ZSWIM2: variants seen among roughly 807,000 people sequenced by gnomAD.
ZSWIM2 encodes E3 ubiquitin-protein ligase ZSWIM2.
ZSWIM2 carries 38 observed loss-of-function variants against 48.4 expected under a neutral mutation model. The observed-to-expected ratio is 0.79, with a 90% CI of 0.61 to 1.03. The LOEUF is 1.03. Ranked by LOEUF, ZSWIM2 falls within the 50% of genes least tolerant of loss-of-function variation. The pLI is 0.00. For missense variants in ZSWIM2, 776 were observed against 730.2 expected, an observed-to-expected ratio of 1.06 and a Z score of -0.72; for synonymous variants, 240 against 251.3, an observed-to-expected ratio of 0.96 and a Z score of 0.42.
intron 2 of ZSWIM2, among the ~76,000 whole-genome samples, chr2:186,846,229 C>T (rs945953285): frequency 4.6e-5 from 7 of 151,864 alleles, no homozygotes; most frequent in Non-Finnish European, 1.0e-4. Flanking sequence ...TTGCAAACTA[C>T]GTATTTGACA....
At chr2:186,848,780 A>G in intron 1 of ZSWIM2, 186 bp downstream of exon 1, 1 of 704,926 alleles carries the variant, frequency 1.4e-6, no homozygotes. Flanking sequence ...CTTCTAATAA[A>G]TACTATTTCC....
intron 3 of ZSWIM2, among the ~76,000 whole-genome samples, chr2:186,839,710 A>G (rs1691868064): frequency 6.6e-6 from 1 of 151,654 alleles, no homozygotes; most frequent in African/African-American, 2.4e-5. Context: ...TCCTCAACAG[A>G]TTTGGTCAGT....
At position 186,839,173 on chromosome 2, in the gene ZSWIM2, G is replaced by C; in HGVS notation, c.284-4C>G. On this transcript the variant is annotated splice_polypyrimidine_tract_variant and splice_region_variant and intron_variant, in intron 3 of 8. Transcript: ENST00000295131. Reference sequence around the variant, plus strand: ...CCAAGACCCAGTTGTAAAGCAGCTAGTGAGAAATCCCAAAGTATTAAAATC... The same window carrying C: ...CCAAGACCCAGTTGTAAAGCAGCTACTGAGAAATCCCAAAGTATTAAAATC... 1 of 1,610,180 alleles carries C rather than the reference G, an allele frequency of 6.2e-7. No homozygotes were observed. Among genetic ancestry groups the C allele is most frequent in the East Asian group, 2.2e-5 (1 of 44,790 alleles).
At chr2:186,841,572 C>CA (rs1272789960) in intron 3 of ZSWIM2, among the ~76,000 whole-genome samples, 6 of 151,292 alleles carry the variant, frequency 4.0e-5, no homozygotes, top group African/African-American at 1.4e-4. Context: ...TTGAAAAGAA[C>CA]AAAAAGCTTC....
In ZSWIM2 at chr2:186,849,047, A is replaced by G. The variant is rs372195908; in HGVS notation, c.84T>C (p.Ser28=). The change falls in exon 1 of 9, where the codon AGT becomes AGC. Residue 28 remains serine (S), a synonymous_variant. Transcript: ENST00000295131. The part of the protein sequence containing the change: ...RLSWHQDQAL[S]SSIYLLREMG... ...TCTCTCGTAGGAGGTAGATGCTGCTACTCAGCGCCTGGTCTTGGTGCCAGC... is the reference window on the plus strand; with the variant it reads ...TCTCTCGTAGGAGGTAGATGCTGCTGCTCAGCGCCTGGTCTTGGTGCCAGC... 67 of 1,613,966 alleles carry G rather than the reference A, an allele frequency of 4.2e-5. No homozygotes were observed. The highest frequency in any genetic ancestry group is 5.7e-5 in the Non-Finnish European group (67 of 1,180,004).
Position 186,833,219 on chromosome 2 carries a change from T to A in ZSWIM2, c.842A>T (p.Lys281Ile). ...TFTFREKRNQKWRSLEKRADE... is the reference protein window; with the variant it reads ...TFTFREKRNQIWRSLEKRADE... ...TGCTCTTTTTTCTAGTGATCTCCAT[T>A]TTTGGTTTCTTTTCTGTAATAGGTA... is the stretch of plus-strand genomic sequence containing the variant. The change falls in exon 7 of 9, where the codon AAA becomes ATA. Residue 281 changes from lysine to isoleucine, a missense_variant. Lys to Ile is a moderately radical substitution (Grantham distance 102). Transcript: ENST00000295131. 1 of 1,520,968 alleles carries A rather than the reference T, an allele frequency of 6.6e-7. No homozygotes were observed. Among genetic ancestry groups the A allele is most frequent in the Non-Finnish European group, 8.8e-7 (1 of 1,130,460 alleles). 94.2% of individuals were successfully genotyped at this position (1,520,968 alleles called of 1,614,324 possible). A position where few individuals can be genotyped will look rare whatever the true frequency, so the allele number is the denominator to read the frequency against.
chr2:186,830,591 C>T (rs1368795288), intron 7 of ZSWIM2, among the ~76,000 whole-genome samples: 1 of 152,010 alleles, frequency 6.6e-6, no homozygotes, highest in Admixed American at 6.6e-5. Context: ...TGGTAAGCCA[C>T]ATTAAATATT....
At chr2:186,830,145 T>C (rs1023735888) in intron 7 of ZSWIM2, among the ~76,000 whole-genome samples, 18 of 152,146 alleles carry the variant, frequency 1.2e-4, no homozygotes, top group Non-Finnish European at 1.5e-4. Flanking sequence ...TCTGGGAGAC[T>C]GAGGTGGGTG....
At chr2:186,844,648 C>A in intron 3 of ZSWIM2, 69 bp downstream of exon 3, 3 of 1,406,944 alleles carry the variant, frequency 2.1e-6, no homozygotes, top group Non-Finnish European at 2.9e-6. Context: ...ATAAAACATT[C>A]TTATATTTGT....
Position 186,837,528 on chromosome 2 carries a change from A to C in ZSWIM2, c.521T>G (p.Ile174Arg), listed in dbSNP as rs200601126. Residue 174 changes from isoleucine (I) to arginine (R), a missense_variant, in exon 5 of 9, where the codon ATA (isoleucine) becomes AGA (arginine). Transcript: ENST00000295131. The part of the protein sequence containing the change: ...CRFGCGNSIH[I>R]KCMKILANYQ... ...ATTAGCTAAGATCTTCATGCATTTT[A>C]TATGAATACTATTGCCACAGCCAAA... 5 of 1,610,870 alleles carry C rather than the reference A, an allele frequency of 3.1e-6. No individual in the cohort carries two copies. Among genetic ancestry groups the C allele is most frequent in the Non-Finnish European group, 4.2e-6 (5 of 1,178,230 alleles).
In ZSWIM2 at chr2:186,833,237, A is replaced by C; in HGVS notation, c.829-5T>G. ...TCTCCATTTTTGGTTTCTTTTCTGT[A>C]ATAGGTAAAAGTAGATGTTACTTTG... On this transcript the variant is annotated splice_polypyrimidine_tract_variant and splice_region_variant and intron_variant, in intron 6 of 8. Transcript: ENST00000295131. The C allele has an allele frequency of 7.1e-7, 1 of 1,415,398 alleles. No homozygotes were observed. The highest frequency in any genetic ancestry group is 9.6e-7 in the Non-Finnish European group (1 of 1,041,444). 87.7% of individuals were successfully genotyped at this position (1,415,398 alleles called of 1,614,324 possible). A position where few individuals can be genotyped will look rare whatever the true frequency, so the allele number is the denominator to read the frequency against.
intron 5 of ZSWIM2, 64 bp downstream of exon 5, chr2:186,837,242 C>A: frequency 1.3e-6 from 2 of 1,574,746 alleles, no homozygotes; most frequent in South Asian, 1.2e-5. Flanking sequence ...CTCTAATGCT[C>A]AAAGTTTCCT....
At chr2:186,844,678 T>TA (rs199505226) in intron 3 of ZSWIM2, 39 bp downstream of exon 3, 13,281 of 1,268,758 alleles carry the variant, frequency 0.01, 14 homozygotes, top group African/African-American at 0.024. Flanking sequence ...AGTAGTAAAA[T>TA]AAAAAAAAAA....
Position 186,833,933 on chromosome 2 carries a change from A to T in ZSWIM2, c.828+13T>A. On this transcript the variant is annotated intron_variant, in intron 6 of 8. Coordinates refer to ENST00000295131, the MANE Select transcript of ZSWIM2 (RefSeq NM_182521.3). ...ATAGAAACACTGTATTAGATTCAAG[A>T]TGGATACTGTACCTCACGAAATGTA... is the stretch of plus-strand genomic sequence containing the variant. 6.2e-7 allele frequency: 1 copy of T among 1,603,326 alleles called. No individual in the cohort carries two copies. The highest frequency in any genetic ancestry group is 8.5e-7 in the Non-Finnish European group (1 of 1,171,058).
Position 186,847,900 on chromosome 2 carries a change from TC to T in ZSWIM2, c.166-106del, listed in dbSNP as rs1692035865. 4 of 699,532 alleles carry T rather than the reference TC, an allele frequency of 5.7e-6. No homozygotes were observed. In the Admixed American group the frequency reaches 1.1e-4, roughly 20 times the overall value. The allele number at this position is 699,532 out of a possible 1,614,324, so 43.3% of individuals were successfully genotyped here. A position where few individuals can be genotyped will look rare whatever the true frequency, so the allele number is the denominator to read the frequency against. ...GAAGAGGTAATTTAGTTTAGGTGAT[TC>T]AAAAAGGTTGAATAGATTCTACTGG... On this transcript the variant is annotated intron_variant, in intron 1 of 8. Coordinates refer to ENST00000295131, the MANE Select transcript of ZSWIM2 (RefSeq NM_182521.3).
At chr2:186,844,174 C>G (rs534766760) in intron 3 of ZSWIM2, among the ~76,000 whole-genome samples, 1 of 151,342 alleles carries the variant, frequency 6.6e-6, no homozygotes, top group Non-Finnish European at 1.5e-5. Flanking sequence ...AATTATTTTT[C>G]TTTCTCTCTT....
chr2:186,847,667 A>C (rs1287865944), intron 2 of ZSWIM2, 52 bp downstream of exon 2: 1 of 1,359,262 alleles, frequency 7.4e-7, no homozygotes, highest in Non-Finnish European at 1.0e-6. Context: ...CAAAATATTT[A>C]ACACACCAAG....
chr2:186,833,207 A>C lies in ZSWIM2; in HGVS notation c.854T>G (p.Leu285Arg), dbSNP rs753037767. The C allele has an allele frequency of 7.8e-6, 12 of 1,539,608 alleles. No individual in the cohort carries two copies. In the East Asian group the frequency reaches 2.9e-4, roughly 37 times the overall value. The change falls in exon 7 of 9, where the codon CTA becomes CGA. Residue 285 changes from leucine to arginine, a missense_variant. Transcript: ENST00000295131. ...TACAACTTCATCTGCTCTTTTTTCT[A>C]GTGATCTCCATTTTTGGTTTCTTTT... ...REKRNQKWRS[L>R]EKRADEVVKY... is the part of the protein sequence containing the mutation.
chr2:186,840,617 T>C (rs191068007), intron 3 of ZSWIM2, among the ~76,000 whole-genome samples: 67 of 151,548 alleles, frequency 4.4e-4, no homozygotes, highest in Admixed American at 1.3e-3. Flanking sequence ...GAAAATTAAC[T>C]CAAACCAAAT....
Sources: gnomAD v4.1 joint callset for allele counts (sites outside exome capture counted in the v4.1 genomes callset) on GRCh38, gnomAD v4.1.1 for gene constraint, MANE v1.5 for transcripts, NCBI Gene and HGNC (gene_info 2026-07-23, HGNC 2026-07-21) for gene names.